JAZF1: variants seen among roughly 807,000 people sequenced by gnomAD.
JAZF1 encodes JAZF zinc finger 1, also known as juxtaposed with another zinc finger protein 1.
Under a neutral mutation model 26.4 loss-of-function variants are expected in JAZF1, and 8 were observed. The observed-to-expected ratio is 0.30, with a 90% confidence interval of 0.18 to 0.55. JAZF1 has a LOEUF of 0.55. Ranked by LOEUF, JAZF1 falls within the 20% of genes least tolerant of loss-of-function variation. JAZF1 has a pLI of 0.94. For synonymous variants in JAZF1, 126 were observed against 122.3 expected, an observed-to-expected ratio of 1.03 and a Z score of -0.20; for missense variants, 199 against 322.0, an observed-to-expected ratio of 0.62 and a Z score of 2.92.
chr7:27,905,559 TTTTA>T (rs959507352), intron 2 of JAZF1, among the ~76,000 whole-genome samples: 2 of 151,456 alleles, frequency 1.3e-5, no homozygotes, highest in African/African-American at 4.8e-5. Context: ...TCTTTTTATT[TTTTA>T]TTTTTTTTCT....
intron 2 of JAZF1, among the ~76,000 whole-genome samples, chr7:27,955,570 G>T (rs796753067): frequency 6.6e-6 from 1 of 152,176 alleles, no homozygotes; most frequent in Admixed American, 6.5e-5. Flanking sequence ...ATAACAAATC[G>T]TTGTTTCGTG....
Position 27,840,586 on chromosome 7 carries a change from G to T in JAZF1, c.555+112C>A. The T allele has an allele frequency of 9.0e-7, 1 of 1,106,228 alleles. No individual in the cohort carries two copies. Among genetic ancestry groups the T allele is most frequent in the Non-Finnish European group, 1.3e-6 (1 of 750,936 alleles). The allele number at this position is 1,106,228 out of a possible 1,614,324, so 68.5% of individuals were successfully genotyped here. ...ACGCACTCTAATGCAGGAGAGGGGA[G>T]TGTCTCCCCCCAGCCCATACGCTCG... is the stretch of plus-strand genomic sequence containing the variant. On this transcript the variant is annotated intron_variant, in intron 4 of 4. Coordinates refer to ENST00000283928, the MANE Select transcript of JAZF1 (RefSeq NM_175061.4). The surrounding 1 kb of genome is among the most constrained non-coding windows in gnomAD (Gnocchi z 5.1).
chr7:28,027,766 C>T (rs1783118744), intron 1 of JAZF1, among the ~76,000 whole-genome samples: 1 of 152,208 alleles, frequency 6.6e-6, no homozygotes, highest in Admixed American at 6.5e-5. Flanking sequence ...ACAGACACTA[C>T]ATTTTCCATT....
chr7:27,862,821 T>C (rs1000724699), intron 3 of JAZF1, among the ~76,000 whole-genome samples: 1 of 152,246 alleles, frequency 6.6e-6, no homozygotes, highest in Non-Finnish European at 1.5e-5. Context: ...CGTGTTCACA[T>C]CACCTTTTTA....
At chr7:27,935,024 A>C (rs901267818) in intron 2 of JAZF1, among the ~76,000 whole-genome samples, 11 of 152,226 alleles carry the variant, frequency 7.2e-5, no homozygotes, top group African/African-American at 2.7e-4. Context: ...AAATAATCCA[A>C]TTAAATAATG....
At chr7:28,012,787 A>C (rs888758675) in intron 1 of JAZF1, among the ~76,000 whole-genome samples, 1 of 152,238 alleles carries the variant, frequency 6.6e-6, no homozygotes, top group African/African-American at 2.4e-5. Context: ...TGCAGAAGGA[A>C]GCAACATCTC....
chr7:28,118,807 AG>A (rs1274573791), intron 1 of JAZF1, among the ~76,000 whole-genome samples: 1 of 151,938 alleles, frequency 6.6e-6, no homozygotes, highest in Non-Finnish European at 1.5e-5. Flanking sequence ...ACACACACAC[AG>A]AGTCATGAGC....
chr7:27,995,348 A>C (rs1418932689), intron 1 of JAZF1, among the ~76,000 whole-genome samples: 1 of 152,190 alleles, frequency 6.6e-6, no homozygotes, highest in African/African-American at 2.4e-5. Flanking sequence ...GAGAGTAAGC[A>C]TTTCTATAAC....
chr7:27,887,589 T>C (rs375257373), intron 3 of JAZF1, among the ~76,000 whole-genome samples: 1 of 152,192 alleles, frequency 6.6e-6, no homozygotes, highest in African/African-American at 2.4e-5. Flanking sequence ...CTAATTTTTG[T>C]ATTTTTAGTA....
At chr7:27,957,403 C>A (rs1176876223) in intron 2 of JAZF1, among the ~76,000 whole-genome samples, 1 of 152,144 alleles carries the variant, frequency 6.6e-6, no homozygotes, top group Non-Finnish European at 1.5e-5. Context: ...GGAAGCAATA[C>A]CTCCAGGTAG....
intron 2 of JAZF1, among the ~76,000 whole-genome samples, chr7:27,938,335 GAAAAACAAAACAAC>G (rs1433389262): frequency 5.3e-5 from 8 of 152,056 alleles, no homozygotes; most frequent in African/African-American, 1.7e-4. Context: ...TCTTCCCTGG[GAAAAACAAAACAAC>G]AAAAACAAAA....
chr7:27,937,080 G>T (rs1423992001), intron 2 of JAZF1, among the ~76,000 whole-genome samples: 1 of 152,116 alleles, frequency 6.6e-6, no homozygotes, highest in African/African-American at 2.4e-5. Flanking sequence ...ACAGTGTTAG[G>T]TTTTTTCTCA....
At chr7:27,997,756 T>TA (rs1324181800) in intron 1 of JAZF1, among the ~76,000 whole-genome samples, 2 of 151,258 alleles carry the variant, frequency 1.3e-5, no homozygotes, top group African/African-American at 2.5e-5. Context: ...TTTTTTTTTT[T>TA]AGAGTTGGGG....
intron 1 of JAZF1, among the ~76,000 whole-genome samples, chr7:28,031,159 T>C (rs780766514): frequency 6.6e-6 from 1 of 152,128 alleles, no homozygotes; most frequent in Non-Finnish European, 1.5e-5. Flanking sequence ...CTTTGCATCC[T>C]TTCTCTATCG....
At chr7:27,862,860 T>C (rs891210027) in intron 3 of JAZF1, among the ~76,000 whole-genome samples, 11 of 152,224 alleles carry the variant, frequency 7.2e-5, no homozygotes, top group African/African-American at 2.7e-4. Flanking sequence ...TGCTTTGAAA[T>C]CATTCTTTTT....
chr7:28,060,319 G>C (rs1562573937), intron 1 of JAZF1, among the ~76,000 whole-genome samples: 1 of 152,092 alleles, frequency 6.6e-6, no homozygotes, highest in Admixed American at 6.5e-5. Flanking sequence ...AGTCTTTGCA[G>C]GTTGATTCTG....
intron 3 of JAZF1, among the ~76,000 whole-genome samples, chr7:27,864,514 A>G (rs1466349946): frequency 6.6e-6 from 1 of 152,112 alleles, no homozygotes; most frequent in African/African-American, 2.4e-5. Flanking sequence ...CCCGGCTCAG[A>G]GCCTACTGCC....
chr7:28,179,110 A>G (rs1276594097), intron 1 of JAZF1, among the ~76,000 whole-genome samples: 1 of 152,222 alleles, frequency 6.6e-6, no homozygotes, highest in Non-Finnish European at 1.5e-5. Flanking sequence ...AGCTGCATCC[A>G]CATGGCTGAA....
intron 2 of JAZF1, among the ~76,000 whole-genome samples, chr7:27,911,858 C>T (rs962467651): frequency 3.9e-5 from 6 of 152,224 alleles, no homozygotes; most frequent in South Asian, 4.1e-4. Context: ...GTATAAATGG[C>T]AGGAGGAGAG....
Sources: gnomAD v4.1 joint callset for allele counts (sites outside exome capture counted in the v4.1 genomes callset) on GRCh38, gnomAD v4.1.1 for gene constraint, Gnocchi (gnomAD v3.1) non-coding constraint, MANE v1.5 for transcripts, NCBI Gene and HGNC (gene_info 2026-07-23, HGNC 2026-07-21) for gene names.